SHF: variants seen among roughly 807,000 people sequenced by gnomAD.
The protein encoded by SHF is SH2 domain-containing adapter protein F.
A neutral mutation model predicts 42.4 loss-of-function variants in SHF; 30 were observed. That is an observed-to-expected ratio of 0.71 (90% confidence interval 0.53 to 0.96). The LOEUF is 0.96. Among genes scored for constraint, SHF ranks in the 40% least tolerant of loss-of-function variants. The pLI is 0.00. For missense variants in SHF, 598 were observed against 634.0 expected, an observed-to-expected ratio of 0.94 and a Z score of 0.61; for synonymous variants, 264 against 269.9, an observed-to-expected ratio of 0.98 and a Z score of 0.21.
At position 45,172,134 on chromosome 15, in the gene SHF, C is replaced by A; in HGVS notation, c.1160+13G>T. The A allele has an allele frequency of 6.2e-7, 1 of 1,613,822 alleles. No individual in the cohort carries two copies. The highest frequency in any genetic ancestry group is 1.1e-5 in the South Asian group (1 of 91,066). Reference sequence around the variant, plus strand: ...AGTGGGGAGGGAGTCCCCAGCTGGACACAGACACTCACACCTGGTTTTCCA... The same window carrying A: ...AGTGGGGAGGGAGTCCCCAGCTGGAAACAGACACTCACACCTGGTTTTCCA... On this transcript the variant is annotated intron_variant, in intron 5 of 6. Coordinates refer to ENST00000690270, the MANE Select transcript of SHF (RefSeq NM_001394037.1).
intron 1 of SHF, among the ~76,000 whole-genome samples, chr15:45,180,111 G>C (rs1433311588): frequency 6.6e-6 from 1 of 152,072 alleles, no homozygotes; most frequent in African/African-American, 2.4e-5. Context: ...CACCATCTCA[G>C]ATCATCCAAT....
chr15:45,175,642 A>G (rs773381174), intron 2 of SHF, among the ~76,000 whole-genome samples: 17 of 152,282 alleles, frequency 1.1e-4, no homozygotes, highest in Admixed American at 5.9e-4. Flanking sequence ...GCAGGTGGGC[A>G]CTAGAGTAAA....
At chr15:45,198,018 T>C (rs781536199) in intron 2 of SHF, among the ~76,000 whole-genome samples, 1 of 152,260 alleles carries the variant, frequency 6.6e-6, no homozygotes, top group East Asian at 1.9e-4. Flanking sequence ...AGAGCTGTAC[T>C]TTTTACTAGA....
chr15:45,186,321 GC>G (rs1217826299), intron 1 of SHF, among the ~76,000 whole-genome samples: 1 of 152,244 alleles, frequency 6.6e-6, no homozygotes, highest in Non-Finnish European at 1.5e-5. Context: ...AGGAAATCTG[GC>G]GGAACGGCGC....
chr15:45,182,732 T>G (rs565919208), intron 1 of SHF, among the ~76,000 whole-genome samples: 6 of 152,224 alleles, frequency 3.9e-5, no homozygotes, highest in Non-Finnish European at 8.8e-5. Flanking sequence ...CCAAAAATAT[T>G]TAACCATGGA....
chr15:45,193,105 T>C (rs1449599014), intron 2 of SHF, among the ~76,000 whole-genome samples: 1 of 152,240 alleles, frequency 6.6e-6, no homozygotes, highest in African/African-American at 2.4e-5. Flanking sequence ...CCCATTGTTT[T>C]ATCCCCCACA....
intron 2 of SHF, among the ~76,000 whole-genome samples, chr15:45,197,463 GA>G (rs369421858): frequency 5.0e-4 from 76 of 152,296 alleles, no homozygotes; most frequent in African/African-American, 1.8e-3. Context: ...AGAGAAGGGG[GA>G]CACGGGAGTG....
chr15:45,189,434 G>T (rs76266371), upstream of SHF, among the ~76,000 whole-genome samples: 3,988 of 125,268 alleles, frequency 0.032, 224 homozygotes, highest in African/African-American at 0.11. Flanking sequence ...TCACTCCGTC[G>T]CTGGAGTACA....
Position 45,172,172 on chromosome 15 carries a change from G to T in SHF, c.1135C>A (p.Pro379Thr). 1 of 1,613,922 alleles carries T rather than the reference G, an allele frequency of 6.2e-7. No individual in the cohort carries two copies. Among genetic ancestry groups the T allele is most frequent in the Non-Finnish European group, 8.5e-7 (1 of 1,179,880 alleles). Reference sequence around the variant, plus strand: ...ACCTGGTTTTCCAGAGGCAGTGCTGGATCTGTCCACTCCCCCAGGGGGCTG... The same window carrying T: ...ACCTGGTTTTCCAGAGGCAGTGCTGTATCTGTCCACTCCCCCAGGGGGCTG... ...PSSPLGEWTD[P>T]ALPLENQVWY... The change falls in exon 5 of 7, where the codon CCA becomes ACA. Residue 379 changes from proline to threonine, a missense_variant. Physicochemically the swap from Pro to Thr is conservative, Grantham distance 38. Around this residue, in one of 2 missense-constraint regions of SHF, gnomAD observed 439 missense variants for 524.6 expected, o/e 0.84. Coordinates refer to ENST00000690270, the MANE Select transcript of SHF (RefSeq NM_001394037.1).
chr15:45,200,450 A>G (rs1899047200), intron 1 of SHF: 2 of 243,548 alleles, frequency 8.2e-6, no homozygotes, highest in African/African-American at 4.4e-5. Context: ...TGCTGCGGCC[A>G]CAACGCAGAG....
intron 1 of SHF, chr15:45,200,564 G>C: frequency 8.2e-6 from 3 of 366,942 alleles, no homozygotes; most frequent in South Asian, 6.0e-5. Flanking sequence ...CAATGTCATT[G>C]ATTTGTCATT....
chr15:45,185,769 G>T (rs554533859), intron 1 of SHF, among the ~76,000 whole-genome samples: 9 of 152,372 alleles, frequency 5.9e-5, no homozygotes, highest in African/African-American at 1.9e-4. Context: ...TTCCTTGGGG[G>T]TGTCTGGGAA....
At chr15:45,187,015 A>G (rs553327745) in intron 1 of SHF, among the ~76,000 whole-genome samples, 83 of 152,372 alleles carry the variant, frequency 5.4e-4, no homozygotes, top group African/African-American at 1.9e-3. Flanking sequence ...ACAGGAGGGA[A>G]GAGCTTTGTG....
In SHF at chr15:45,198,029, C is replaced by G. The variant is rs187021882; in HGVS notation, c.303+743G>C. 1.8e-4 allele frequency among the ~76,000 whole-genome samples: 28 copies of G among 152,208 alleles called. No individual in the cohort carries two copies. The East Asian group carries it at 5.4e-3, about 29-fold the overall frequency. ...AAAAAGAGCTGTACTTTTTACTAGACTTTTGTGCATGTATTCCCTATTTAA... is the reference window on the plus strand; with the variant it reads ...AAAAAGAGCTGTACTTTTTACTAGAGTTTTGTGCATGTATTCCCTATTTAA... On this transcript the variant is annotated intron_variant, in intron 2 of 7. Transcript: ENST00000290894.
chr15:45,194,101 CAAA>C (rs56176160), intron 2 of SHF, among the ~76,000 whole-genome samples: 33 of 75,590 alleles, frequency 4.4e-4, no homozygotes, highest in Non-Finnish European at 2.2e-4. Flanking sequence ...GAGTTTGTCT[CAAA>C]AAAAAAAAAA....
At chr15:45,182,994 C>A (rs535765848) in intron 1 of SHF, among the ~76,000 whole-genome samples, 6 of 152,318 alleles carry the variant, frequency 3.9e-5, no homozygotes, top group African/African-American at 1.4e-4. Flanking sequence ...TCATAAGACC[C>A]TTGGGTGTGT....
In SHF at chr15:45,171,880, C is replaced by G; in HGVS notation, c.1280+3G>C. 6.2e-7 allele frequency: 1 copy of G among 1,612,592 alleles called. No individual in the cohort carries two copies. The highest frequency in any genetic ancestry group is 8.5e-7 in the Non-Finnish European group (1 of 1,179,446). The stretch of plus-strand genomic sequence containing the variant: ...CCCTGAAACCACAACTGTCCCCACT[C>G]ACTTGAGGGAGAGGGAGAAGTCATT... On this transcript the variant is annotated splice_donor_region_variant and intron_variant, in intron 6 of 6. Transcript: ENST00000690270.
intron 1 of SHF, among the ~76,000 whole-genome samples, chr15:45,179,128 A>C (rs2141377785): frequency 6.6e-6 from 1 of 152,392 alleles, no homozygotes; most frequent in South Asian, 2.1e-4. Flanking sequence ...GCATCAAGGA[A>C]GGGAAGACTG....
chr15:45,177,964 A>G (rs917244585), intron 2 of SHF, among the ~76,000 whole-genome samples: 4 of 152,126 alleles, frequency 2.6e-5, no homozygotes, highest in South Asian at 2.1e-4. Flanking sequence ...GTGGCCTCCT[A>G]TACCACTTCA....
Sources: allele counts gnomAD v4.1 joint callset (sites outside exome capture counted in the v4.1 genomes callset), GRCh38; gene constraint gnomAD v4.1.1; regional missense constraint gnomAD v4.1.1; transcripts MANE v1.5; gene names NCBI Gene and HGNC (gene_info 2026-07-23, HGNC 2026-07-21).